Variants in CD72 observed in about 807,000 individuals in gnomAD.
CD72 encodes the protein B-cell differentiation antigen CD72.
In CD72, 28 loss-of-function variants were observed where a neutral mutation model predicts 50.7. That is an observed-to-expected ratio of 0.55 (90% confidence interval 0.41 to 0.76). The LOEUF is 0.76. Ranked by LOEUF, CD72 falls within the 30% of genes least tolerant of loss-of-function variation. The probability of loss-of-function intolerance (pLI) is 0.00; values close to 1 mark genes in which losing one functional copy is unlikely to be tolerated. For synonymous variants in CD72, 176 were observed against 171.2 expected (o/e 1.03, Z -0.22); for missense variants, 403 against 420.6 (o/e 0.96, Z 0.37).
intron 2 of CD72, among the ~76,000 whole-genome samples, chr9:35,617,670 G>A (rs1275774299): frequency 1.3e-5 from 2 of 152,028 alleles, no homozygotes; most frequent in South Asian, 2.1e-4. Context: ...TCCACCTTGC[G>A]GGAGGAATCT....
chr9:35,616,632 A>T lies in CD72; in HGVS notation c.320T>A (p.Leu107Ter), dbSNP rs1164832057. The change falls in exon 4 of 9, where the codon TTA (leucine) becomes TAA (stop). Residue 107 changes from leucine to a stop codon, truncating the protein, a stop_gained. Coordinates refer to ENST00000259633, the MANE Select transcript of CD72 (RefSeq NM_001782.3). LOFTEE classifies it high-confidence loss of function. Reference protein sequence around the residue: ...LLGLLLTCLLLGVTAICLGVR... With the variant: ...LLGLLLTCLL ...TCCCAGGCAGATGGCGGTCACTCCT[A>T]ACAGCAGGCAGGTGAGGAGCAGGCC... The T allele has an allele frequency of 6.2e-7, 1 of 1,613,990 alleles. No homozygotes were observed. Among genetic ancestry groups the T allele is most frequent in the Non-Finnish European group, 8.5e-7 (1 of 1,179,950 alleles).
chr9:35,618,477 A>C, upstream of CD72: 2 of 1,453,746 alleles, frequency 1.4e-6, no homozygotes, highest in Non-Finnish European at 1.9e-6. Flanking sequence ...CAAGTCTCAA[A>C]CAGATGGGCT....
chr9:35,615,379 C>T (rs1823048984), intron 5 of CD72, among the ~76,000 whole-genome samples: 1 of 152,086 alleles, frequency 6.6e-6, no homozygotes, highest in Non-Finnish European at 1.5e-5. Context: ...CTTTCCCCAT[C>T]TCCACTTACT....
At chr9:35,626,962 C>A (rs912962296) in intron 1 of CD72, among the ~76,000 whole-genome samples, 4 of 151,756 alleles carry the variant, frequency 2.6e-5, no homozygotes, top group African/African-American at 9.7e-5. Context: ...CAGCTACTCC[C>A]GAGTAGCTGG....
chr9:35,638,376 G>T (rs925528068), intron 1 of CD72, among the ~76,000 whole-genome samples: 1 of 152,024 alleles, frequency 6.6e-6, no homozygotes, highest in East Asian at 1.9e-4. Context: ...CTCCTCTTCA[G>T]CCTCCGCTCC....
At chr9:35,641,935 A>G (rs1175115770) in intron 1 of CD72, among the ~76,000 whole-genome samples, 1 of 152,136 alleles carries the variant, frequency 6.6e-6, no homozygotes, top group Non-Finnish European at 1.5e-5. Flanking sequence ...GGCATGGAGG[A>G]CTAGGTGAGC....
chr9:35,617,123 C>T, intron 3 of CD72, 53 bp downstream of exon 3: 1 of 1,547,860 alleles, frequency 6.5e-7, no homozygotes, highest in Middle Eastern at 1.8e-4. Context: ...CATCCGCAGC[C>T]GGGACAGGCG....
At chr9:35,610,540 CCCTGCTCT>C (rs1822962800) in intron 8 of CD72, 54 bp downstream of exon 8, 2 of 1,113,666 alleles carry the variant, frequency 1.8e-6, no homozygotes, top group East Asian at 7.9e-5. Flanking sequence ...TGCTCTGAGT[CCCTGCTCT>C]GAGTCCCTCT....
At chr9:35,617,035 TGGCACGGCAGCCCG>T (rs1823075128) in intron 3 of CD72, 127 bp downstream of exon 3, 1 of 1,470,598 alleles carries the variant, frequency 6.8e-7, no homozygotes, top group Non-Finnish European at 8.9e-7. Flanking sequence ...AAGGTGAATG[TGGCACGGCAGCCCG>T]GGCGTCGGAA....
At chr9:35,616,353 T>C in intron 4 of CD72, 75 bp from the exon 5 acceptor site, 6 of 1,200,996 alleles carry the variant, frequency 5.0e-6, no homozygotes, top group African/African-American at 1.5e-5. Flanking sequence ...GCATCAGCCC[T>C]TTTTCTGCTT....
intron 5 of CD72, among the ~76,000 whole-genome samples, chr9:35,615,038 G>A (rs1195913074): frequency 6.6e-6 from 1 of 152,140 alleles, no homozygotes; most frequent in Non-Finnish European, 1.5e-5. Flanking sequence ...GGGAAAACCT[G>A]CAGGAGTGGT....
Position 35,630,036 on chromosome 9 carries a change from C to CTTTTTTT in CD72, n.409-11922_409-11916dup, listed in dbSNP as rs35481553. On this transcript the variant is annotated intron_variant and non_coding_transcript_variant, in intron 1 of 3. Transcript: ENST00000465754. Reference sequence around the variant, plus strand: ...ATATTTGGTAAAGTGAATTTCTTTTCTTTTTTTTTTTTTTTTGGAGATGGG... The same window carrying CTTTTTTT: ...ATATTTGGTAAAGTGAATTTCTTTTCTTTTTTTTTTTTTTTTTTTTTTTGGAGATGGG... Among the ~76,000 whole-genome samples, 35 of 128,948 alleles carry CTTTTTTT rather than the reference C, an allele frequency of 2.7e-4. 1 individual carries two copies. The highest frequency in any genetic ancestry group is 4.4e-4 in the East Asian group (2 of 4,564). 84.6% of individuals were successfully genotyped at this position (128,948 alleles called of 152,430 possible).
intron 1 of CD72, among the ~76,000 whole-genome samples, chr9:35,634,524 T>C (rs1240442804): frequency 6.6e-6 from 1 of 152,216 alleles, no homozygotes; most frequent in African/African-American, 2.4e-5. Context: ...AGCTAATTTT[T>C]GTATTTTTAG....
intron 1 of CD72, among the ~76,000 whole-genome samples, chr9:35,634,475 C>A (rs1365551723): frequency 6.6e-6 from 1 of 152,220 alleles, no homozygotes; most frequent in Non-Finnish European, 1.5e-5. Context: ...GCCTCAGCCT[C>A]CCAAGTAGCT....
upstream of CD72, chr9:35,618,935 C>T (rs1386893879): frequency 1.1e-5 from 4 of 366,752 alleles, no homozygotes; most frequent in Admixed American, 3.7e-5. Context: ...GGCAGCACTG[C>T]CCCCCATGCA....
At chr9:35,641,572 T>G (rs898090056) in intron 1 of CD72, among the ~76,000 whole-genome samples, 2 of 152,216 alleles carry the variant, frequency 1.3e-5, no homozygotes, top group Non-Finnish European at 2.9e-5. Flanking sequence ...TTTTCCTTCT[T>G]CGGTGGCTAG....
chr9:35,625,309 C>T (rs1365977169), intron 1 of CD72, among the ~76,000 whole-genome samples: 1 of 152,198 alleles, frequency 6.6e-6, no homozygotes, highest in Non-Finnish European at 1.5e-5. Flanking sequence ...GATAGAAGAT[C>T]AAACCAGCTA....
At chr9:35,626,229 A>G (rs1823196530) in intron 1 of CD72, among the ~76,000 whole-genome samples, 1 of 151,858 alleles carries the variant, frequency 6.6e-6, no homozygotes. Flanking sequence ...TTCAACCCTC[A>G]TGGATGACTT....
At position 35,616,621 on chromosome 9, in the gene CD72, C is replaced by T; in HGVS notation, c.331G>A (p.Ala111Thr). 1.2e-6 allele frequency: 2 copies of T among 1,613,852 alleles called. No homozygotes were observed. Among genetic ancestry groups the T allele is most frequent in the Non-Finnish European group, 1.7e-6 (2 of 1,179,872 alleles). ...TCACAGCGCACTCCCAGGCAGATGGCGGTCACTCCTAACAGCAGGCAGGTG... is the reference window on the plus strand; with the variant it reads ...TCACAGCGCACTCCCAGGCAGATGGTGGTCACTCCTAACAGCAGGCAGGTG... ...LLTCLLLGVT[A>T]ICLGVRYLQV... The change falls in exon 4 of 9, where the codon GCC becomes ACC. Residue 111 changes from alanine (A) to threonine (T), a missense_variant. Transcript: ENST00000259633.
Sources: gnomAD v4.1 joint callset for allele counts (sites outside exome capture counted in the v4.1 genomes callset) on GRCh38, gnomAD v4.1.1 for gene constraint, MANE v1.5 for transcripts, NCBI Gene and HGNC (gene_info 2026-07-23, HGNC 2026-07-21) for gene names.